The following RFX2 variants were observed in gnomAD, a reference collection of about 807,000 sequenced individuals.
RFX2 encodes regulatory factor X2, also known as DNA-binding protein RFX2.
In RFX2, 20 loss-of-function variants were observed where a neutral mutation model predicts 87.8. That is an observed-to-expected ratio of 0.23 (90% CI 0.16 to 0.33). The LOEUF is 0.33. RFX2 is among the 10% of genes least tolerant of loss of function. RFX2 has a pLI of 1.00. For missense variants in RFX2, 767 were observed against 1,012.3 expected, an observed-to-expected ratio of 0.76 and a Z score of 3.29; for synonymous variants, 397 against 431.3, an observed-to-expected ratio of 0.92 and a Z score of 0.98.
intron 1 of RFX2, among the ~76,000 whole-genome samples, chr19:6,088,013 C>T (rs142199900): frequency 3.3e-5 from 5 of 152,198 alleles, no homozygotes; most frequent in East Asian, 1.9e-4. Context: ...TGGCTTAACC[C>T]GCCAGGAAGC....
Position 5,993,951 on chromosome 19 carries a change from C to T in RFX2, c.*884G>A, listed in dbSNP as rs1239022887. On this transcript the variant is annotated 3_prime_UTR_variant, in exon 18 of 18. Coordinates refer to ENST00000303657, the MANE Select transcript of RFX2 (RefSeq NM_000635.4). ...CTGCTTTCTGAAGTTGTGGCTGTGA[C>T]ACTGACCCTGTTGGACAAACTCCTT... 1 of 152,288 alleles carries T rather than the reference C, an allele frequency of 6.6e-6. No homozygotes were observed. The highest frequency in any genetic ancestry group is 2.4e-5 in the African/African-American group (1 of 41,458). 9.4% of individuals were successfully genotyped at this position (152,288 alleles called of 1,614,324 possible).
rs936099476 is a variant in RFX2, at chr19:6,072,840, C to A, written c.-8-25336G>T. On this transcript the variant is annotated intron_variant, in intron 1 of 17. Transcript: ENST00000303657. ...TCAGCATCATGGCCGCCCTCAGACC[C>A]CTCGTGAAGCCCAAGATCGTCAAAA... is the stretch of plus-strand genomic sequence containing the variant. The A allele has an allele frequency of 1.7e-5, 22 of 1,286,798 alleles. 1 individual carries two copies. The South Asian group carries it at 2.5e-4, about 14-fold the overall frequency. The allele number at this position is 1,286,798 out of a possible 1,614,324, so 79.7% of individuals were successfully genotyped here. A position where few individuals can be genotyped will look rare whatever the true frequency, so the allele number is the denominator to read the frequency against.
At chr19:6,041,991 AGGCT>A in intron 4 of RFX2, 49 bp downstream of exon 4, 2 of 1,480,946 alleles carry the variant, frequency 1.4e-6, no homozygotes, top group Non-Finnish European at 1.9e-6. Flanking sequence ...CAGGTGGCAA[AGGCT>A]GGAGTCAGGG....
At chr19:6,075,267 G>A (rs1393508311) in intron 1 of RFX2, among the ~76,000 whole-genome samples, 1 of 151,886 alleles carries the variant, frequency 6.6e-6, no homozygotes, top group African/African-American at 2.4e-5. Context: ...AAGAGGAGGA[G>A]AAGGTGGAGG....
chr19:6,086,439 T>C (rs2087856786), intron 1 of RFX2, among the ~76,000 whole-genome samples: 1 of 152,208 alleles, frequency 6.6e-6, no homozygotes, highest in Non-Finnish European at 1.5e-5. Flanking sequence ...GTGCAGGCAA[T>C]TGTAACACAG....
rs1016831611 is a variant in RFX2 at position 6,021,345 on chromosome 19, C to T, written c.597+4818G>A. ...AATAAAAGACAAAAACCCCTGCCCC[C>T]TGGAAGCGTCCGTTCTTGTCTGGCA... On this transcript the variant is annotated intron_variant, in intron 6 of 17. Coordinates refer to ENST00000303657, the MANE Select transcript of RFX2 (RefSeq NM_000635.4). The surrounding 1 kb of genome is among the most constrained non-coding windows in gnomAD (Gnocchi z 5.7). 6.6e-6 allele frequency among the ~76,000 whole-genome samples: 1 copy of T among 152,208 alleles called. No individual in the cohort carries two copies. The highest frequency in any genetic ancestry group is 1.5e-5 in the Non-Finnish European group (1 of 68,024).
At chr19:6,109,940 A>G (rs2088279394) in intron 1 of RFX2, among the ~76,000 whole-genome samples, 1 of 150,608 alleles carries the variant, frequency 6.6e-6, no homozygotes. Context: ...AGAAAATTCG[A>G]GGGTATGAGT....
chr19:6,096,760 T>G (rs1366231555), intron 1 of RFX2, among the ~76,000 whole-genome samples: 1 of 152,252 alleles, frequency 6.6e-6, no homozygotes, highest in Non-Finnish European at 1.5e-5. Flanking sequence ...TTCTTATAAT[T>G]TAATCATGTT....
Position 6,013,012 on chromosome 19 carries a change from C to G in RFX2, c.873G>C (p.Arg291=). The part of the protein sequence containing the change: ...LQEDTQYMAM[R]QQPMHQKPRY... ...TGGGCTTCTGGTGCATGGGCTGCTG[C>G]CGCATGGCCATGTACTGCGTGTCCT... Residue 291 remains arginine, a synonymous_variant, in exon 8 of 18, where the codon CGG becomes CGC. Coordinates refer to ENST00000303657, the MANE Select transcript of RFX2 (RefSeq NM_000635.4). This position sits in a 1 kb window ranked among gnomAD's most constrained non-coding sequence, Gnocchi z 4.1. 6.3e-7 allele frequency: 1 copy of G among 1,582,402 alleles called. No homozygotes were observed.
intron 9 of RFX2, 75 bp from the exon 10 acceptor site, chr19:6,008,299 G>A: frequency 1.2e-6 from 1 of 826,080 alleles, no homozygotes; most frequent in East Asian, 2.7e-5. Context: ...GGCCACGGTG[G>A]ATGGGGGCCC....
Position 5,994,744 on chromosome 19 carries a change from G to A in RFX2, c.*91C>T, listed in dbSNP as rs2086379867. 1.3e-6 allele frequency: 1 copy of A among 792,352 alleles called. No individual in the cohort carries two copies. The highest frequency in any genetic ancestry group is 2.1e-6 in the Non-Finnish European group (1 of 475,160). The allele number at this position is 792,352 out of a possible 1,614,324, so 49.1% of individuals were successfully genotyped here. On this transcript the variant is annotated 3_prime_UTR_variant, in exon 18 of 18. Coordinates refer to ENST00000303657, the MANE Select transcript of RFX2 (RefSeq NM_000635.4). ...AAAGTAAACATCACATCATCTAAGA[G>A]GCACTAATTTGGTGGAGCCGGTGAA...
rs1156498705 is a variant in RFX2 at position 6,002,798 on chromosome 19, G to A, written c.1573C>T (p.Arg525Trp). The A allele has an allele frequency of 1.2e-5, 19 of 1,613,678 alleles. No homozygotes were observed. The highest frequency in any genetic ancestry group is 2.7e-5 in the African/African-American group (2 of 74,938). The change falls in exon 14 of 18, where the codon CGG becomes TGG. Residue 525 changes from arginine (R) to tryptophan (W), a missense_variant. Arg to Trp is a moderately radical substitution (Grantham distance 101). Around this residue, in one of 2 missense-constraint regions of RFX2, gnomAD observed 621 missense variants for 873.0 expected, o/e 0.71. Coordinates refer to ENST00000303657, the MANE Select transcript of RFX2 (RefSeq NM_000635.4). This position sits in a 1 kb window ranked among gnomAD's most constrained non-coding sequence, Gnocchi z 6.7. ...TSLNHLAQAARAVLQNTSQIN... is the reference protein window; with the variant it reads ...TSLNHLAQAAWAVLQNTSQIN... ...TGGGACGTGTTCTGCAGCACCGCCCGGGCCGCCTGCGCCAGGTGGTTGAGG... is the reference window on the plus strand; with the variant it reads ...TGGGACGTGTTCTGCAGCACCGCCCAGGCCGCCTGCGCCAGGTGGTTGAGG...
chr19:6,102,966 G>A (rs571704079), intron 1 of RFX2, among the ~76,000 whole-genome samples: 56 of 152,134 alleles, frequency 3.7e-4, no homozygotes, highest in African/African-American at 7.2e-4. Context: ...ACTTCATCTC[G>A]TTTTTTATTA....
intron 1 of RFX2, among the ~76,000 whole-genome samples, chr19:6,088,211 CTTTTTTTTTT>C (rs1030226963): frequency 4.7e-5 from 4 of 84,410 alleles, no homozygotes; most frequent in African/African-American, 1.9e-4. Context: ...GGCACTACAG[CTTTTTTTTTT>C]TTTTTTTTTT....
chr19:6,019,507 TG>T (rs2086776744), intron 6 of RFX2, among the ~76,000 whole-genome samples: 4 of 123,338 alleles, frequency 3.2e-5, no homozygotes, highest in East Asian at 2.2e-4. Context: ...AGTTAGTGTG[TG>T]AGTATGTGTG....
At chr19:6,025,784 C>CT (rs1217365706) in intron 6 of RFX2, among the ~76,000 whole-genome samples, 4,302 of 129,998 alleles carry the variant, frequency 0.033, 232 homozygotes, top group African/African-American at 0.1. Context: ...TTGTCTTCTT[C>CT]TTTTTTTTTT....
chr19:6,006,661 A>G (rs978523388), intron 12 of RFX2, among the ~76,000 whole-genome samples: 1 of 151,538 alleles, frequency 6.6e-6, no homozygotes, highest in African/African-American at 2.4e-5. Flanking sequence ...TGTTGGTCAC[A>G]CTGGTCTCAA....
chr19:6,041,999 G>T, intron 4 of RFX2, 45 bp downstream of exon 4: 2 of 1,540,956 alleles, frequency 1.3e-6, no homozygotes, highest in Non-Finnish European at 9.0e-7. Flanking sequence ...AAAGGCTGGA[G>T]TCAGGGAGAG....
Position 5,993,501 on chromosome 19 carries a change from C to T in RFX2, c.*1334G>A, listed in dbSNP as rs1045700377. The T allele has an allele frequency of 3.9e-5, 6 of 152,246 alleles. No homozygotes were observed. Among genetic ancestry groups the T allele is most frequent in the African/African-American group, 1.4e-4 (6 of 41,474 alleles). 9.4% of individuals were successfully genotyped at this position (152,246 alleles called of 1,614,324 possible). ...ACCTTCTGTGTGAATGAGAACAAAACATTTGGGACTGAATATACTGCAATG... is the reference window on the plus strand; with the variant it reads ...ACCTTCTGTGTGAATGAGAACAAAATATTTGGGACTGAATATACTGCAATG... On this transcript the variant is annotated 3_prime_UTR_variant, in exon 18 of 18. Transcript: ENST00000303657.
Sources: allele counts gnomAD v4.1 joint callset (sites outside exome capture counted in the v4.1 genomes callset), GRCh38; gene constraint gnomAD v4.1.1; regional missense constraint gnomAD v4.1.1; non-coding constraint Gnocchi (gnomAD v3.1); transcripts MANE v1.5; gene names NCBI Gene and HGNC (gene_info 2026-07-23, HGNC 2026-07-21).